The following NT5DC3 variants were observed in gnomAD, a reference collection of about 807,000 sequenced individuals.
The protein encoded by NT5DC3 is 5'-nucleotidase domain containing 3, also known as 5'-nucleotidase domain-containing protein 3.
Under a neutral mutation model 67.8 loss-of-function variants are expected in NT5DC3, and 42 were observed. The observed-to-expected ratio is 0.62, with a 90% CI of 0.48 to 0.80. The LOEUF is 0.80. NT5DC3 is among the 30% of genes least tolerant of loss of function. The probability of loss-of-function intolerance (pLI) is 0.00; values close to 1 mark genes in which losing one functional copy is unlikely to be tolerated. For missense variants in NT5DC3, 570 were observed against 696.4 expected (o/e 0.82, Z 2.04); for synonymous variants, 237 against 255.6 (o/e 0.93, Z 0.69).
the NT5DC3 span, chr12:103,753,500 C>T: frequency 4.1e-5 from 45 of 1,087,188 alleles, no homozygotes; most frequent in Middle Eastern, 2.9e-4. Context: ...GTCACCATGT[C>T]CATTTATTGG....
chr12:103,766,633 G>A (rs529010387), downstream of NT5DC3: 5 of 343,636 alleles, frequency 1.5e-5, no homozygotes, highest in South Asian at 1.9e-4. Context: ...CTGTTAGATT[G>A]TAAGCCTCCG....
intron 1 of NT5DC3, among the ~76,000 whole-genome samples, chr12:103,831,391 C>T (rs565342658): frequency 6.6e-5 from 10 of 152,104 alleles, no homozygotes; most frequent in South Asian, 2.1e-4. Context: ...ACCCAGTCTC[C>T]GGTATTTCTT....
the NT5DC3 span, among the ~76,000 whole-genome samples, chr12:103,753,518 T>C: frequency 6.6e-6 from 1 of 152,194 alleles, no homozygotes; most frequent in Non-Finnish European, 1.5e-5. Context: ...TGGGCATCTA[T>C]TATGTGTCAG....
rs1400603014 is a variant in NT5DC3, at chr12:103,773,093, A to G, written c.*4736T>C. On this transcript the variant is annotated 3_prime_UTR_variant, in exon 14 of 14. Coordinates refer to ENST00000392876, the MANE Select transcript of NT5DC3 (RefSeq NM_001031701.3). Reference sequence around the variant, plus strand: ...ATACAGTGCACTTATTACCTACAGAACTTTCTCCTCTCTGCATCCCAGCTA... The same window carrying G: ...ATACAGTGCACTTATTACCTACAGAGCTTTCTCCTCTCTGCATCCCAGCTA... 1 of 152,182 alleles carries G rather than the reference A, an allele frequency of 6.6e-6. No individual in the cohort carries two copies. Among genetic ancestry groups the G allele is most frequent in the Non-Finnish European group, 1.5e-5 (1 of 68,050 alleles). 9.4% of individuals were successfully genotyped at this position (152,182 alleles called of 1,614,324 possible).
At chr12:103,790,104 T>C (rs1885976544) in intron 9 of NT5DC3, among the ~76,000 whole-genome samples, 1 of 151,814 alleles carries the variant, frequency 6.6e-6, no homozygotes, top group South Asian at 2.1e-4. Context: ...TTTTCCCAAA[T>C]ACATTTTTGG....
chr12:103,769,654 T>C (rs1885138363), downstream of NT5DC3, among the ~76,000 whole-genome samples: 1 of 152,208 alleles, frequency 6.6e-6, no homozygotes, highest in South Asian at 2.1e-4. Context: ...GGTGGGAGGC[T>C]ACAGCTGTTG....
chr12:103,839,471 G>A (rs139126649), intron 1 of NT5DC3, among the ~76,000 whole-genome samples: 14 of 152,198 alleles, frequency 9.2e-5, no homozygotes, highest in Middle Eastern at 3.4e-3. Context: ...GCTGGTCCTG[G>A]GCTCAAGAGA....
In NT5DC3 at chr12:103,798,739, C is replaced by A. The variant is rs1886431735; in HGVS notation, c.525-62G>T. 4 of 1,192,914 alleles carry A rather than the reference C, an allele frequency of 3.4e-6. No homozygotes were observed. In the East Asian group the frequency reaches 7.0e-5, roughly 21 times the overall value. The allele number at this position is 1,192,914 out of a possible 1,614,324, so 73.9% of individuals were successfully genotyped here. On this transcript the variant is annotated intron_variant, in intron 4 of 13. Coordinates refer to ENST00000392876, the MANE Select transcript of NT5DC3 (RefSeq NM_001031701.3). The stretch of plus-strand genomic sequence containing the variant: ...TAGAGAAACCAATGATTTTCACACC[C>A]CTGTGCAGTGCTGGGATTTTTCAAT...
intron 9 of NT5DC3, 166 bp from the exon 10 acceptor site, chr12:103,789,085 C>G: frequency 1.7e-6 from 1 of 598,408 alleles, no homozygotes; most frequent in Non-Finnish European, 3.0e-6. Flanking sequence ...CAATGCGTCC[C>G]AAATTGTGTG....
intron 11 of NT5DC3, chr12:103,785,834 C>T (rs907393124): frequency 2.3e-6 from 1 of 434,604 alleles, no homozygotes; most frequent in Admixed American, 3.1e-5. Context: ...GGTCTTCATT[C>T]AATTCATCCA....
In NT5DC3 at chr12:103,793,495, C is replaced by T; in HGVS notation, c.832G>A (p.Ala278Thr). The change falls in exon 8 of 14, where the codon GCT becomes ACT. Residue 278 changes from alanine (A) to threonine (T), a missense_variant. Ala to Thr is a moderately conservative substitution (Grantham distance 58). Coordinates refer to ENST00000392876, the MANE Select transcript of NT5DC3 (RefSeq NM_001031701.3). ...GCCAACACTGCGCGGGTCTGCTCAG[C>T]ATAGCAGATGTACTTTTCTAAGAGC... ...EADIEKYICY[A>T]EQTRAVLAKL... 1 of 1,613,568 alleles carries T rather than the reference C, an allele frequency of 6.2e-7. No individual in the cohort carries two copies. Among genetic ancestry groups the T allele is most frequent in the Non-Finnish European group, 8.5e-7 (1 of 1,179,588 alleles).
At chr12:103,822,607 G>A (rs1887536588) in intron 1 of NT5DC3, among the ~76,000 whole-genome samples, 1 of 152,202 alleles carries the variant, frequency 6.6e-6, no homozygotes, top group South Asian at 2.1e-4. Context: ...CAGTGTTTCT[G>A]CTGCTAGTGG....
At chr12:103,837,535 C>G (rs892013899) in intron 1 of NT5DC3, among the ~76,000 whole-genome samples, 1 of 152,214 alleles carries the variant, frequency 6.6e-6, no homozygotes, top group East Asian at 1.9e-4. Context: ...TAATAGCACC[C>G]AAGTCACTTC....
chr12:103,797,622 C>T (rs1182684973), intron 5 of NT5DC3, among the ~76,000 whole-genome samples: 7 of 152,128 alleles, frequency 4.6e-5, no homozygotes. Flanking sequence ...TTCTCCTGTG[C>T]TCACTCCCAT....
At chr12:103,828,293 T>C (rs988935584) in intron 1 of NT5DC3, among the ~76,000 whole-genome samples, 2 of 152,180 alleles carry the variant, frequency 1.3e-5, no homozygotes, top group African/African-American at 2.4e-5. Flanking sequence ...ATAAAGTCTA[T>C]GGAAAAAGGG....
chr12:103,834,819 G>C (rs1049037382), intron 1 of NT5DC3, among the ~76,000 whole-genome samples: 1 of 152,182 alleles, frequency 6.6e-6, no homozygotes, highest in African/African-American at 2.4e-5. Context: ...GAAGACACCT[G>C]AACAGATTGT....
chr12:103,783,925 G>T (rs987707703), intron 12 of NT5DC3, among the ~76,000 whole-genome samples: 5 of 152,172 alleles, frequency 3.3e-5, no homozygotes, highest in African/African-American at 1.2e-4. Context: ...GCCTATACCC[G>T]AATCCTCTAA....
At chr12:103,787,278 TA>T (rs1484148526) in intron 11 of NT5DC3, among the ~76,000 whole-genome samples, 162 bp downstream of exon 11, 1 of 150,706 alleles carries the variant, frequency 6.6e-6, no homozygotes, top group African/African-American at 2.4e-5. Context: ...AAAAAGACAT[TA>T]AAAAAATGCA....
At position 103,775,768 on chromosome 12, in the gene NT5DC3, T is replaced by C. The variant is rs1381909779; in HGVS notation, c.*2061A>G. 6.6e-6 allele frequency: 1 copy of C among 152,178 alleles called. No individual in the cohort carries two copies. Among genetic ancestry groups the C allele is most frequent in the African/African-American group, 2.4e-5 (1 of 41,442 alleles). 9.4% of individuals were successfully genotyped at this position (152,178 alleles called of 1,614,324 possible). On this transcript the variant is annotated 3_prime_UTR_variant, in exon 14 of 14. Transcript: ENST00000392876. ...GGATCTAAAGGGTCACCTTCACCAT[T>C]ATAGTTAAATACAGCCAAATATCAC...
Sources: allele counts gnomAD v4.1 joint callset (sites outside exome capture counted in the v4.1 genomes callset), GRCh38; gene constraint gnomAD v4.1.1; transcripts MANE v1.5; gene names NCBI Gene and HGNC (gene_info 2026-07-23, HGNC 2026-07-21).